The following UTS2 variants were observed in gnomAD, a reference collection of about 807,000 sequenced individuals.
The protein encoded by UTS2 is urotensin-2.
A neutral mutation model predicts 12.6 loss-of-function variants in UTS2; 10 were observed. That is an observed-to-expected ratio of 0.80 (90% CI 0.49 to 1.35). The LOEUF is 1.35. UTS2 is among the 40% of genes most tolerant of loss of function. The probability of loss-of-function intolerance (pLI) is 0.00; values close to 1 mark genes in which losing one functional copy is unlikely to be tolerated. For synonymous variants in UTS2, 52 were observed against 50.0 expected (o/e 1.04, Z -0.17); for missense variants, 142 against 143.2 (o/e 0.99, Z 0.04).
the UTS2 span, among the ~76,000 whole-genome samples, chr1:7,909,226 G>A: frequency 2.0e-5 from 3 of 152,152 alleles, no homozygotes; most frequent in African/African-American, 2.4e-5. Context: ...CAGCCAAAGC[G>A]TATCAGCGTA....
At chr1:7,882,169 TACAA>T in the UTS2 span, among the ~76,000 whole-genome samples, 1 of 130,666 alleles carries the variant, frequency 7.7e-6, no homozygotes, top group African/African-American at 2.6e-5. Context: ...ACGCCATCTC[TACAA>T]ACACTTTAAA....
chr1:7,867,986 C>A, the UTS2 span, among the ~76,000 whole-genome samples: 1 of 152,122 alleles, frequency 6.6e-6, no homozygotes, highest in African/African-American at 2.4e-5. Context: ...TACAGCTGGT[C>A]GCAGTGAAGA....
the UTS2 span, among the ~76,000 whole-genome samples, chr1:7,883,751 C>T: frequency 7.2e-4 from 109 of 152,284 alleles, no homozygotes; most frequent in African/African-American, 2.6e-3. Context: ...TAGTCAGCAG[C>T]CATCAACATC....
At chr1:7,863,049 T>C in the UTS2 span, among the ~76,000 whole-genome samples, 1 of 41,028 alleles carries the variant, frequency 2.4e-5, no homozygotes, top group African/African-American at 7.6e-5. Flanking sequence ...TATTGTATTG[T>C]ATTGTATTGT....
At chr1:7,894,596 C>A in the UTS2 span, among the ~76,000 whole-genome samples, 8 of 152,136 alleles carry the variant, frequency 5.3e-5, no homozygotes, top group African/African-American at 1.7e-4. Context: ...CCGGCCCTGC[C>A]CTTAGACTCT....
chr1:7,892,469 GTTTTTTTTTT>G, the UTS2 span, among the ~76,000 whole-genome samples: 3 of 77,752 alleles, frequency 3.9e-5, no homozygotes, highest in Admixed American at 5.6e-4. Flanking sequence ...CCTCATGCAT[GTTTTTTTTTT>G]TTTTTTTTTT....
At chr1:7,855,300 C>T (rs1348675473), upstream of UTS2, among the ~76,000 whole-genome samples, 2 of 150,000 alleles carry the variant, frequency 1.3e-5, no homozygotes, top group African/African-American at 4.9e-5. Context: ...ATGAAAAAGC[C>T]GAGCAAGGCG....
At chr1:7,849,093 TC>T (rs2097411055) in intron 3 of UTS2, among the ~76,000 whole-genome samples, 1 of 152,172 alleles carries the variant, frequency 6.6e-6, no homozygotes, top group African/African-American at 2.4e-5. Flanking sequence ...CCCATTTTTT[TC>T]ATTCTTTCAC....
the UTS2 span, among the ~76,000 whole-genome samples, chr1:7,891,560 G>GAAAGAAAGA: frequency 1.3e-5 from 2 of 149,598 alleles, no homozygotes; most frequent in Admixed American, 6.8e-5. Context: ...AAGAAAGAAA[G>GAAAGAAAGA]AAAGAAAGAA....
the UTS2 span, among the ~76,000 whole-genome samples, chr1:7,886,768 C>G: frequency 6.6e-6 from 1 of 152,170 alleles, no homozygotes; most frequent in Middle Eastern, 3.4e-3. Context: ...GGAAAAAAAG[C>G]TCGGCCAGGC....
At chr1:7,894,560 T>C in the UTS2 span, among the ~76,000 whole-genome samples, 3 of 152,050 alleles carry the variant, frequency 2.0e-5, no homozygotes, top group Non-Finnish European at 2.9e-5. Flanking sequence ...AAATCACATA[T>C]CACATGTGAG....
the UTS2 span, among the ~76,000 whole-genome samples, chr1:7,902,568 G>A: frequency 1.3e-5 from 2 of 152,108 alleles, no homozygotes; most frequent in Non-Finnish European, 2.9e-5. Context: ...CTACTAAGGA[G>A]CCTCCTAATT....
chr1:7,899,524 T>G, the UTS2 span, among the ~76,000 whole-genome samples: 1 of 152,192 alleles, frequency 6.6e-6, no homozygotes, highest in Non-Finnish European at 1.5e-5. Context: ...TTTTATTTTT[T>G]GAGACAAGGT....
At chr1:7,883,585 A>C in the UTS2 span, among the ~76,000 whole-genome samples, 1 of 152,216 alleles carries the variant, frequency 6.6e-6, no homozygotes, top group Non-Finnish European at 1.5e-5. Flanking sequence ...AAAATGATGG[A>C]TATCCTAAAT....
At chr1:7,854,737 A>C (rs749325387), upstream of UTS2, among the ~76,000 whole-genome samples, 5 of 152,148 alleles carry the variant, frequency 3.3e-5, no homozygotes, top group African/African-American at 7.2e-5. Context: ...ATTTCTAAAA[A>C]TCGATTTTGT....
At chr1:7,885,080 C>T in the UTS2 span, among the ~76,000 whole-genome samples, 2 of 151,666 alleles carry the variant, frequency 1.3e-5, no homozygotes, top group African/African-American at 4.8e-5. Context: ...AGACATCCAT[C>T]CATCCATCCA....
the UTS2 span, among the ~76,000 whole-genome samples, chr1:7,860,489 C>T: frequency 0.16 from 24,786 of 152,080 alleles, 2,460 homozygotes; most frequent in South Asian, 0.24. Context: ...CGGAAGCCAC[C>T]GTAAGGACTT....
At chr1:7,906,449 G>GAGAAAGAAAGAA in the UTS2 span, among the ~76,000 whole-genome samples, 15,196 of 73,078 alleles carry the variant, frequency 0.21, 2,265 homozygotes, top group South Asian at 0.24. Context: ...GAAAGAAAAA[G>GAGAAAGAAAGAA]AGAAAGAAAG....
At chr1:7,853,267 G>T, upstream of UTS2, 1 of 1,612,126 alleles carries the variant, frequency 6.2e-7, no homozygotes, top group South Asian at 1.1e-5. Flanking sequence ...ATTATATAAA[G>T]AACAGTGAGT....
Sources: allele counts gnomAD v4.1 joint callset (sites outside exome capture counted in the v4.1 genomes callset), GRCh38; gene constraint gnomAD v4.1.1; transcripts MANE v1.5; gene names NCBI Gene and HGNC (gene_info 2026-07-23, HGNC 2026-07-21).